The following HIP1 variants were observed in gnomAD, a reference collection of about 807,000 sequenced individuals.
HIP1 encodes the protein huntingtin interacting protein 1, also known as huntingtin-interacting protein 1.
HIP1 carries 65 observed loss-of-function variants against 147.6 expected under a neutral mutation model. The ratio of observed to expected loss-of-function variants is 0.44; its 90% confidence interval spans 0.36 to 0.54. HIP1 has a LOEUF of 0.54. HIP1 is among the 20% of genes least tolerant of loss of function. HIP1 has a pLI of 0.00. For synonymous variants in HIP1, 479 were observed against 504.0 expected (o/e 0.95, Z 0.67); for missense variants, 1,061 against 1,299.6 (o/e 0.82, Z 2.82).
chr7:75,597,354 G>T (rs782593051), intron 2 of HIP1, among the ~76,000 whole-genome samples: 3 of 152,184 alleles, frequency 2.0e-5, no homozygotes, highest in Non-Finnish European at 4.4e-5. Flanking sequence ...GGGACAAGCT[G>T]CTCTGGCTTG....
intron 1 of HIP1, among the ~76,000 whole-genome samples, chr7:75,685,740 G>A (rs1800240319): frequency 6.6e-6 from 1 of 151,906 alleles, no homozygotes; most frequent in Non-Finnish European, 1.5e-5. Context: ...GTAGAGACGG[G>A]TTTTTCCCAT....
intron 1 of HIP1, among the ~76,000 whole-genome samples, chr7:75,681,511 T>G (rs370089599): frequency 0.44 from 61,686 of 140,060 alleles, 14,426 homozygotes; most frequent in African/African-American, 0.5. Flanking sequence ...TTTTTTTTTT[T>G]TTTTTTTTTT....
chr7:75,646,815 T>C (rs954083912), intron 1 of HIP1, among the ~76,000 whole-genome samples: 1 of 152,106 alleles, frequency 6.6e-6, no homozygotes, highest in Non-Finnish European at 1.5e-5. Context: ...CTGAGAGCTG[T>C]AGCATAAATG....
chr7:75,615,811 C>A (rs587701352), intron 1 of HIP1, among the ~76,000 whole-genome samples: 1 of 150,230 alleles, frequency 6.7e-6, no homozygotes, highest in South Asian at 2.1e-4. Context: ...AATGGCCAGG[C>A]GCGGTGGCTC....
intron 1 of HIP1, among the ~76,000 whole-genome samples, chr7:75,652,624 C>T (rs868985577): frequency 6.6e-5 from 10 of 151,958 alleles, no homozygotes; most frequent in Admixed American, 6.6e-5. Context: ...CTTGGCCTCC[C>T]GAAGTGCTGG....
rs587617715 is a variant in HIP1 at position 75,535,086 on chromosome 7, G to A, written c.*3086C>T. ...TAGCCATTCTAATCTGAGCTATTAC[G>A]AAAGTAATTATGTGACATCTGACAG... On this transcript the variant is annotated 3_prime_UTR_variant, in exon 31 of 31. Transcript: ENST00000336926. The A allele has an allele frequency of 4.7e-6, 1 of 213,554 alleles. No homozygotes were observed. The highest frequency in any genetic ancestry group is 2.3e-5 in the African/African-American group (1 of 44,334). The allele number at this position is 213,554 out of a possible 1,614,324, so 13.2% of individuals were successfully genotyped here. A position where few individuals can be genotyped will look rare whatever the true frequency, so the allele number is the denominator to read the frequency against.
intron 1 of HIP1, among the ~76,000 whole-genome samples, chr7:75,638,395 G>A (rs946132562): frequency 2.0e-5 from 3 of 151,862 alleles, no homozygotes; most frequent in African/African-American, 7.2e-5. Flanking sequence ...GGTGGGGGTG[G>A]AGGGCTTCTC....
intron 8 of HIP1, among the ~76,000 whole-genome samples, chr7:75,569,380 C>G (rs917752082): frequency 6.6e-6 from 1 of 151,988 alleles, no homozygotes; most frequent in South Asian, 2.1e-4. Context: ...GAGTGGGGAG[C>G]ATCGCTTGTA....
At chr7:75,556,854 G>T in intron 16 of HIP1, 43 bp from the exon 17 acceptor site, 1 of 1,169,406 alleles carries the variant, frequency 8.6e-7, no homozygotes. Context: ...CTGGGTGACA[G>T]TGACAAAGAA....
rs1344323098 is a variant in HIP1 at position 75,568,355 on chromosome 7, C to T, written c.746-99G>A. 1 of 828,556 alleles carries T rather than the reference C, an allele frequency of 1.2e-6. No individual in the cohort carries two copies. The highest frequency in any genetic ancestry group is 2.1e-6 in the Non-Finnish European group (1 of 470,962). The allele number at this position is 828,556 out of a possible 1,614,324, so 51.3% of individuals were successfully genotyped here. ...GGGGAGGGGCCCAGCTACCCTGGGG[C>T]ATGTGGCCAGCACTGCCAGGGGCCA... On this transcript the variant is annotated intron_variant, in intron 8 of 30. Coordinates refer to ENST00000336926, the MANE Select transcript of HIP1 (RefSeq NM_005338.7). This position sits in a 1 kb window ranked among gnomAD's most constrained non-coding sequence, Gnocchi z 4.1.
At chr7:75,641,691 T>C (rs782215871) in intron 1 of HIP1, among the ~76,000 whole-genome samples, 1 of 151,114 alleles carries the variant, frequency 6.6e-6, no homozygotes, top group Non-Finnish European at 1.5e-5. Flanking sequence ...GAGACGGGGT[T>C]TCTCCATGTT....
chr7:75,628,588 C>T (rs1160254073), intron 1 of HIP1, among the ~76,000 whole-genome samples: 7 of 151,046 alleles, frequency 4.6e-5, no homozygotes, highest in African/African-American at 7.3e-5. Flanking sequence ...AAGTGATTCT[C>T]GTGCCTCAGC....
chr7:75,542,131 C>T (rs587690160), intron 28 of HIP1, 151 bp from the exon 29 acceptor site: 3 of 679,836 alleles, frequency 4.4e-6, no homozygotes, highest in African/African-American at 1.8e-5. Context: ...ACAACGGTGG[C>T]TCACTCCTGT....
intron 1 of HIP1, chr7:75,639,198 AGGCGGC>A (rs530262772): frequency 1.0e-6 from 1 of 974,460 alleles, no homozygotes; most frequent in Non-Finnish European, 1.2e-6. Context: ...GGACCGGGGC[AGGCGGC>A]GGCGGCGGCG....
At chr7:75,724,038 C>A (rs1225637581) in intron 1 of HIP1, among the ~76,000 whole-genome samples, 4 of 152,076 alleles carry the variant, frequency 2.6e-5, no homozygotes. Context: ...CTCACTGCAA[C>A]CTCCGCCCCC....
At chr7:75,734,269 T>C (rs1051985023) in intron 1 of HIP1, among the ~76,000 whole-genome samples, 7 of 148,288 alleles carry the variant, frequency 4.7e-5, no homozygotes, top group African/African-American at 1.7e-4. Context: ...AATAAATAAA[T>C]AAATAAATAA....
At chr7:75,732,494 C>T (rs1028440713) in intron 1 of HIP1, among the ~76,000 whole-genome samples, 5 of 152,178 alleles carry the variant, frequency 3.3e-5, no homozygotes, top group Admixed American at 6.5e-5. Context: ...TCTCTGCCTG[C>T]CGAGTAGCTG....
intron 1 of HIP1, among the ~76,000 whole-genome samples, chr7:75,705,793 G>T (rs537207993): frequency 6.6e-6 from 1 of 152,296 alleles, no homozygotes; most frequent in East Asian, 1.9e-4. Flanking sequence ...GTGAACATGG[G>T]TCTACAAACA....
chr7:75,737,991 C>T (rs1168346933), intron 1 of HIP1, among the ~76,000 whole-genome samples: 1 of 152,178 alleles, frequency 6.6e-6, no homozygotes, highest in Non-Finnish European at 1.5e-5. Context: ...GCATTAAAAA[C>T]TCGGAGAAAA....
Sources: allele counts gnomAD v4.1 joint callset (sites outside exome capture counted in the v4.1 genomes callset), GRCh38; gene constraint gnomAD v4.1.1; non-coding constraint Gnocchi (gnomAD v3.1); transcripts MANE v1.5; gene names NCBI Gene and HGNC (gene_info 2026-07-23, HGNC 2026-07-21).